NDUFAF5: variants seen among roughly 807,000 people sequenced by gnomAD.
NDUFAF5 encodes NADH:ubiquinone oxidoreductase complex assembly factor 5.
In NDUFAF5, 34 loss-of-function variants were observed where a neutral mutation model predicts 48.9. That is an observed-to-expected ratio of 0.70 (90% CI 0.53 to 0.93). The LOEUF (loss-of-function observed/expected upper bound fraction) is 0.93, where lower values mean the gene tolerates loss of function less well. Ranked by LOEUF, NDUFAF5 falls within the 40% of genes least tolerant of loss-of-function variation. The probability of loss-of-function intolerance (pLI) is 0.00; values close to 1 mark genes in which losing one functional copy is unlikely to be tolerated. For synonymous variants in NDUFAF5, 153 were observed against 150.6 expected (o/e 1.02, Z -0.12); for missense variants, 428 against 427.5 (o/e 1.00, Z -0.01).
intron 6 of NDUFAF5, among the ~76,000 whole-genome samples, chr20:13,800,820 G>A (rs1470647367): frequency 6.6e-6 from 1 of 152,172 alleles, no homozygotes; most frequent in Non-Finnish European, 1.5e-5. Context: ...GTGATCAGCT[G>A]CCAGATCGTC....
At chr20:13,813,437 C>T (rs911271986) in intron 8 of NDUFAF5, among the ~76,000 whole-genome samples, 3 of 152,148 alleles carry the variant, frequency 2.0e-5, no homozygotes, top group African/African-American at 7.2e-5. Flanking sequence ...TAGATATAAT[C>T]ATTAACAGGT....
intron 2 of NDUFAF5, among the ~76,000 whole-genome samples, chr20:13,787,916 A>G (rs1285790883): frequency 1.3e-5 from 2 of 151,904 alleles, no homozygotes; most frequent in Non-Finnish European, 2.9e-5. Flanking sequence ...CCTATGGCCT[A>G]CAATTAGATG....
intron 8 of NDUFAF5, among the ~76,000 whole-genome samples, chr20:13,811,249 C>T (rs1985821215): frequency 6.6e-6 from 1 of 151,892 alleles, no homozygotes; most frequent in African/African-American, 2.4e-5. Context: ...GGGATGGTCA[C>T]GGTTGAAGTT....
intron 5 of NDUFAF5, among the ~76,000 whole-genome samples, chr20:13,795,242 G>T (rs972430490): frequency 1.3e-5 from 2 of 152,166 alleles, no homozygotes; most frequent in South Asian, 2.1e-4. Context: ...AATTGCTCTT[G>T]TTGGGAGCAG....
intron 10 of NDUFAF5, 22 bp downstream of exon 10, chr20:13,816,979 A>G (rs753515129): frequency 1.7e-5 from 27 of 1,581,852 alleles, no homozygotes; most frequent in Non-Finnish European, 2.3e-5. Flanking sequence ...AAGATGGATC[A>G]CTTTTCTTAG....
Position 13,794,914 on chromosome 20 carries a change from C to G in NDUFAF5, c.452C>G (p.Thr151Arg). 3 of 1,611,090 alleles carry G rather than the reference C, an allele frequency of 1.9e-6. No individual in the cohort carries two copies. The highest frequency in any genetic ancestry group is 2.5e-6 in the Non-Finnish European group (3 of 1,177,272). The change falls in exon 5 of 11, where the codon ACA becomes AGA. Residue 151 changes from threonine (T) to arginine (R), a missense_variant. Thr to Arg is a moderately conservative substitution (Grantham distance 71). Coordinates refer to ENST00000378106, the MANE Select transcript of NDUFAF5 (RefSeq NM_024120.5). ...GAATTCCTTCCCTTCAAAGAAAATA[C>G]ATTTGACCTGGTGGTTAGCAGTTTA... ...DEEFLPFKEN[T>R]FDLVVSSLSL...
chr20:13,794,306 G>A (rs1982818511), intron 4 of NDUFAF5, among the ~76,000 whole-genome samples: 1 of 150,586 alleles, frequency 6.6e-6, no homozygotes, highest in Admixed American at 6.6e-5. Context: ...TTCTGAGACA[G>A]TCTTGCACTG....
chr20:13,785,083 A>T lies in NDUFAF5; in HGVS notation c.15A>T (p.Ala5=), dbSNP rs1455820949. ...CGCAGCTGGAGATGCTGCGGCCGGCAGGGCTCTGGCGCTTATGTCGGCGAC... is the reference window on the plus strand; with the variant it reads ...CGCAGCTGGAGATGCTGCGGCCGGCTGGGCTCTGGCGCTTATGTCGGCGAC... The part of the protein sequence containing the change: MLRP[A]GLWRLCRRPW... Residue 5 remains alanine, a synonymous_variant, in exon 1 of 11, where the codon GCA becomes GCT. Transcript: ENST00000378106. 1.2e-6 allele frequency: 2 copies of T among 1,612,300 alleles called. No individual in the cohort carries two copies. Among genetic ancestry groups the T allele is most frequent in the Non-Finnish European group, 8.5e-7 (1 of 1,179,808 alleles).
Position 13,817,964 on chromosome 20 carries a change from A to G in NDUFAF5, c.*754A>G. 1 of 454,174 alleles carries G rather than the reference A, an allele frequency of 2.2e-6. No individual in the cohort carries two copies. Among genetic ancestry groups the G allele is most frequent in the South Asian group, 1.6e-5 (1 of 64,478 alleles). The allele number at this position is 454,174 out of a possible 1,614,324, so 28.1% of individuals were successfully genotyped here. A position where few individuals can be genotyped will look rare whatever the true frequency, so the allele number is the denominator to read the frequency against. On this transcript the variant is annotated 3_prime_UTR_variant, in exon 11 of 11. Coordinates refer to ENST00000378106, the MANE Select transcript of NDUFAF5 (RefSeq NM_024120.5). Reference sequence around the variant, plus strand: ...AGGATAGGTGAGAAGAACATAGAGGAAGCAGGGAGAAGGCTGAGAAGCAAG... The same window carrying G: ...AGGATAGGTGAGAAGAACATAGAGGGAGCAGGGAGAAGGCTGAGAAGCAAG...
rs1029985306 is a variant in NDUFAF5 at position 13,801,510 on chromosome 20, G to A, written c.544G>A (p.Gly182Arg). 2 of 1,612,282 alleles carry A rather than the reference G, an allele frequency of 1.2e-6. No individual in the cohort carries two copies. The highest frequency in any genetic ancestry group is 1.7e-5 in the Admixed American group (1 of 59,988). The change falls in exon 7 of 11, where the codon GGA becomes AGA. Residue 182 changes from glycine (G) to arginine (R), a missense_variant. By Grantham distance (125) the Gly-to-Arg change is moderately radical. Transcript: ENST00000378106. ...GATTCATTATATTTTAAAACCAGATGGAGTGTTTATCGGTGCAATGTTTGG... is the reference window on the plus strand; with the variant it reads ...GATTCATTATATTTTAAAACCAGATAGAGTGTTTATCGGTGCAATGTTTGG... ...EQIHYILKPD[G>R]VFIGAMFGGD... is the part of the protein sequence containing the mutation.
rs1480104845 is a variant in NDUFAF5, at chr20:13,818,251, A to G, written c.*1041A>G. 5 of 453,894 alleles carry G rather than the reference A, an allele frequency of 1.1e-5. No homozygotes were observed. The highest frequency in any genetic ancestry group is 2.2e-5 in the Non-Finnish European group (5 of 226,768). 28.1% of individuals were successfully genotyped at this position (453,894 alleles called of 1,614,324 possible). A position where few individuals can be genotyped will look rare whatever the true frequency, so the allele number is the denominator to read the frequency against. On this transcript the variant is annotated 3_prime_UTR_variant, in exon 11 of 11. Coordinates refer to ENST00000378106, the MANE Select transcript of NDUFAF5 (RefSeq NM_024120.5). ...TAGATATTCAGTTACATTTTGAACT[A>G]ATTATATAACAAACTTGCCCTTTGA... is the stretch of plus-strand genomic sequence containing the variant.
At chr20:13,793,382 CT>C (rs1299134973) in intron 4 of NDUFAF5, among the ~76,000 whole-genome samples, 155 bp downstream of exon 4, 4 of 152,144 alleles carry the variant, frequency 2.6e-5, no homozygotes, top group Non-Finnish European at 5.9e-5. Flanking sequence ...AAAATCACCC[CT>C]ATCACCCCTA....
chr20:13,809,041 T>A (rs932162575), intron 8 of NDUFAF5, 139 bp downstream of exon 8: 1 of 674,452 alleles, frequency 1.5e-6, no homozygotes, highest in African/African-American at 1.8e-5. Context: ...GGATCCATTG[T>A]TGAGGAGAAA....
At chr20:13,797,350 C>T (rs1283961113) in intron 5 of NDUFAF5, among the ~76,000 whole-genome samples, 4 of 152,200 alleles carry the variant, frequency 2.6e-5, no homozygotes, top group Non-Finnish European at 5.9e-5. Context: ...GCCAAGATGT[C>T]CTTCAGTAGG....
At chr20:13,786,339 T>G (rs1210842633) in intron 1 of NDUFAF5, among the ~76,000 whole-genome samples, 1 of 152,192 alleles carries the variant, frequency 6.6e-6, no homozygotes, top group Non-Finnish European at 1.5e-5. Context: ...TTTTTGTGTC[T>G]CACTTGTAAG....
Position 13,785,112 on chromosome 20 carries a change from G to A in NDUFAF5, c.44G>A (p.Trp15Ter), listed in dbSNP as rs576780935. ...AGLWRLCRRP[W>*]AARVPAENLG... ...CTCTGGCGCTTATGTCGGCGACCTT[G>A]GGCGGCGAGGGTCCCAGCGGAGAAT... The change falls in exon 1 of 11, where the codon TGG becomes TAG. Residue 15 changes from tryptophan to a stop codon, truncating the protein, a stop_gained. Transcript: ENST00000378106. LOFTEE classifies it high-confidence loss of function. 63 of 1,613,490 alleles carry A rather than the reference G, an allele frequency of 3.9e-5. No individual in the cohort carries two copies. The highest frequency in any genetic ancestry group is 5.3e-5 in the Non-Finnish European group (63 of 1,179,942).
At chr20:13,801,803 T>C in intron 7 of NDUFAF5, 120 bp downstream of exon 7, 1 of 837,446 alleles carries the variant, frequency 1.2e-6, no homozygotes, top group Middle Eastern at 3.1e-4. Context: ...CTCCCTTTTT[T>C]TTTCTCTTTT....
rs79160002 is a variant in NDUFAF5, at chr20:13,799,109, A to C, written c.519+609A>C. On this transcript the variant is annotated intron_variant, in intron 6 of 10. Coordinates refer to ENST00000378106, the MANE Select transcript of NDUFAF5 (RefSeq NM_024120.5). ...GGAGAGGCACAAGAGCTTCATCAGC[A>C]TTAAGGAACAAAAAGGAAACCTGTT... 3.4e-3 allele frequency among the ~76,000 whole-genome samples: 516 copies of C among 152,310 alleles called. 3 individuals are homozygous for C. Among genetic ancestry groups the C allele is most frequent in the African/African-American group, 0.012 (491 of 41,564 alleles).
intron 3 of NDUFAF5, among the ~76,000 whole-genome samples, chr20:13,791,068 AGAGTTT>A (rs747833982): frequency 1.3e-5 from 2 of 152,202 alleles, no homozygotes; most frequent in Admixed American, 6.5e-5. Context: ...AGATAACTTT[AGAGTTT>A]AAGTTACACC....
Sources: allele counts gnomAD v4.1 joint callset (sites outside exome capture counted in the v4.1 genomes callset), GRCh38; gene constraint gnomAD v4.1.1; transcripts MANE v1.5; gene names NCBI Gene and HGNC (gene_info 2026-07-23, HGNC 2026-07-21).